The following SAXO5 variants were observed in gnomAD, a reference collection of about 807,000 sequenced individuals.
SAXO5 encodes stabilizer of axonemal microtubules 5.
At chr19:7,506,576 T>C in the SAXO5 span, 1 of 344,880 alleles carries the variant, frequency 2.9e-6, no homozygotes, top group Non-Finnish European at 5.5e-6. Context: ...CTGCCCTGCC[T>C]GGCCCTGCCC....
chr19:7,503,087 G>T, the SAXO5 span, among the ~76,000 whole-genome samples: 1 of 152,200 alleles, frequency 6.6e-6, no homozygotes, highest in Non-Finnish European at 1.5e-5. Context: ...TTGCGGCCGG[G>T]TGCAATGGCT....
At chr19:7,500,715 T>A in the SAXO5 span, 2 of 1,086,422 alleles carry the variant, frequency 1.8e-6, no homozygotes, top group South Asian at 3.7e-5. Flanking sequence ...CAGAAAGGAG[T>A]CAAAGGCAGC....
the SAXO5 span, chr19:7,501,492 C>T: frequency 7.6e-7 from 1 of 1,318,886 alleles, no homozygotes; most frequent in Non-Finnish European, 9.8e-7. Context: ...CCCCAGGGAA[C>T]ATTTGGCAAT....
chr19:7,506,332 G>GC, the SAXO5 span: 1 of 591,570 alleles, frequency 1.7e-6, no homozygotes, highest in Non-Finnish European at 3.0e-6. Flanking sequence ...CTCTGGCCCC[G>GC]CCCCTAACCA....
chr19:7,506,325 T>C, the SAXO5 span: 1 of 666,570 alleles, frequency 1.5e-6, no homozygotes, highest in East Asian at 2.9e-5. Flanking sequence ...GCCACTGCTC[T>C]GGCCCCGCCC....
chr19:7,504,530 A>G, the SAXO5 span: 3 of 722,058 alleles, frequency 4.2e-6, no homozygotes, highest in African/African-American at 1.8e-5. Context: ...ATATGGTGAA[A>G]CCCTGTCTCT....
the SAXO5 span, chr19:7,505,549 G>T: frequency 1.9e-6 from 3 of 1,614,182 alleles, no homozygotes; most frequent in South Asian, 3.3e-5. Context: ...TCAGACTCCG[G>T]AGTCGCACAT....
At chr19:7,500,716 C>A in the SAXO5 span, 1 of 1,108,088 alleles carries the variant, frequency 9.0e-7, no homozygotes, top group African/African-American at 1.7e-5. Context: ...AGAAAGGAGT[C>A]AAAGGCAGCA....
the SAXO5 span, chr19:7,501,516 T>C: frequency 8.1e-7 from 1 of 1,238,612 alleles, no homozygotes; most frequent in South Asian, 1.8e-5. Context: ...TGGAAACGCT[T>C]TTGGTGGTCA....
At chr19:7,506,210 GAAGCCCCACCCCCGA>G in the SAXO5 span, 89 of 1,417,292 alleles carry the variant, frequency 6.3e-5, no homozygotes, top group Middle Eastern at 5.1e-4. Context: ...CCCGCCCCGG[GAAGCCCCACCCCCGA>G]AAGCCCCGCC....
the SAXO5 span, chr19:7,505,409 G>T: frequency 6.2e-7 from 1 of 1,614,144 alleles, no homozygotes; most frequent in Non-Finnish European, 8.5e-7. Flanking sequence ...GACCACCAAG[G>T]CCGAGCACTT....
the SAXO5 span, among the ~76,000 whole-genome samples, chr19:7,501,610 T>C: frequency 6.7e-6 from 1 of 149,848 alleles, no homozygotes; most frequent in Non-Finnish European, 1.5e-5. Context: ...TCGCTTGAGG[T>C]CAAGAGTTCG....
chr19:7,505,913 C>G, the SAXO5 span: 1 of 1,512,944 alleles, frequency 6.6e-7, no homozygotes, highest in Non-Finnish European at 8.9e-7. Context: ...CCCCCCCGGG[C>G]CCGGGGACCT....
At chr19:7,505,079 G>A in the SAXO5 span, among the ~76,000 whole-genome samples, 1 of 151,708 alleles carries the variant, frequency 6.6e-6, no homozygotes, top group African/African-American at 2.4e-5. Context: ...CGCCTCCCGG[G>A]TTCAAGCAAT....
chr19:7,502,789 C>T, the SAXO5 span, among the ~76,000 whole-genome samples: 1 of 152,096 alleles, frequency 6.6e-6, no homozygotes, highest in Non-Finnish European at 1.5e-5. Context: ...AATCACAGGG[C>T]CCAATTCACA....
chr19:7,500,540 CCT>C, the SAXO5 span, among the ~76,000 whole-genome samples: 1 of 152,096 alleles, frequency 6.6e-6, no homozygotes, highest in Non-Finnish European at 1.5e-5. Flanking sequence ...GAACTCCTGA[CCT>C]CAGGTGATCC....
chr19:7,504,988 CTT>C, the SAXO5 span, among the ~76,000 whole-genome samples: 18 of 134,366 alleles, frequency 1.3e-4, no homozygotes, highest in South Asian at 2.4e-4. Context: ...TTTTTTTTTT[CTT>C]TTTTTTTTTT....
the SAXO5 span, among the ~76,000 whole-genome samples, chr19:7,504,705 CAAAA>C: frequency 1.4e-5 from 2 of 143,110 alleles, no homozygotes; most frequent in African/African-American, 2.6e-5. Flanking sequence ...GACTCCATCT[CAAAA>C]AAAAAAAAAA....
chr19:7,500,561 C>T, the SAXO5 span, among the ~76,000 whole-genome samples: 5 of 152,120 alleles, frequency 3.3e-5, no homozygotes, highest in Admixed American at 2.6e-4. Flanking sequence ...CCACCGGCCT[C>T]GGCCTCCCAA....
Sources: gnomAD v4.1 joint callset for allele counts (sites outside exome capture counted in the v4.1 genomes callset) on GRCh38, gnomAD v4.1.1 for gene constraint, MANE v1.5 for transcripts, NCBI Gene and HGNC (gene_info 2026-07-23, HGNC 2026-07-21) for gene names.